The following CCDC73 variants were observed in gnomAD, a reference collection of about 807,000 sequenced individuals.
CCDC73 encodes coiled-coil domain containing 73.
In CCDC73, 95 loss-of-function variants were observed where a neutral mutation model predicts 116.5. That is an observed-to-expected ratio of 0.82 (90% confidence interval 0.69 to 0.97). The LOEUF (loss-of-function observed/expected upper bound fraction) is 0.97, where lower values mean the gene tolerates loss of function less well. Among genes scored for constraint, CCDC73 ranks in the 50% least tolerant of loss-of-function variants. The pLI, the probability that CCDC73 is intolerant of heterozygous loss-of-function variation, is 0.00. For synonymous variants in CCDC73, 398 were observed against 401.3 expected (o/e 0.99, Z 0.10); for missense variants, 1,066 against 1,206.8 (o/e 0.88, Z 1.73).
chr11:32,627,709 C>G (rs1372752054), intron 14 of CCDC73, among the ~76,000 whole-genome samples: 2 of 152,158 alleles, frequency 1.3e-5, no homozygotes, highest in African/African-American at 4.8e-5. Context: ...TCTCAGCAAA[C>G]TATCGCAAGG....
intron 6 of CCDC73, among the ~76,000 whole-genome samples, chr11:32,695,851 T>C (rs1213515658): frequency 6.6e-6 from 1 of 150,832 alleles, no homozygotes; most frequent in Non-Finnish European, 1.5e-5. Flanking sequence ...TTTTAACTAG[T>C]CCTAGATTTA....
intron 12 of CCDC73, 130 bp from the exon 13 acceptor site, chr11:32,642,212 TCAA>T: frequency 1.9e-6 from 2 of 1,060,400 alleles, no homozygotes; most frequent in Non-Finnish European, 2.4e-6. Flanking sequence ...ATGTGCTATC[TCAA>T]CAATAATTTT....
intron 2 of CCDC73, among the ~76,000 whole-genome samples, chr11:32,752,327 T>C (rs548262140): frequency 1.3e-5 from 2 of 152,326 alleles, no homozygotes; most frequent in African/African-American, 2.4e-5. Flanking sequence ...ATTTAGACTG[T>C]TTATAATTTT....
At chr11:32,652,798 AT>A (rs1351093276) in intron 12 of CCDC73, among the ~76,000 whole-genome samples, 1 of 151,878 alleles carries the variant, frequency 6.6e-6, no homozygotes, top group African/African-American at 2.4e-5. Context: ...TTCACCTTTT[AT>A]TTTCAGTGTT....
chr11:32,722,345 T>A (rs942530204), intron 2 of CCDC73, among the ~76,000 whole-genome samples: 1 of 152,186 alleles, frequency 6.6e-6, no homozygotes, highest in African/African-American at 2.4e-5. Flanking sequence ...CATTCCCTAA[T>A]AATTCATTGG....
chr11:32,773,988 T>C (rs1364585922), intron 1 of CCDC73, among the ~76,000 whole-genome samples: 4 of 151,848 alleles, frequency 2.6e-5, no homozygotes, highest in Admixed American at 6.6e-5. Context: ...CGGTAGGGGG[T>C]TTTATCTGGC....
chr11:32,605,042 CAG>C (rs1855329760), intron 17 of CCDC73: 1 of 151,962 alleles, frequency 6.6e-6, no homozygotes, highest in African/African-American at 2.4e-5. Flanking sequence ...TTAGTAGAGA[CAG>C]GGTTTCACTA....
intron 2 of CCDC73, among the ~76,000 whole-genome samples, chr11:32,724,824 T>A (rs1316833749): frequency 2.0e-5 from 3 of 152,190 alleles, no homozygotes; most frequent in Non-Finnish European, 4.4e-5. Flanking sequence ...GTTACTCCTG[T>A]GCTATTACTG....
rs535434838 is a variant in CCDC73 at position 32,661,639 on chromosome 11, T to C, written c.646-6667A>G. Among the ~76,000 whole-genome samples, 9 of 152,010 alleles carry C rather than the reference T, an allele frequency of 5.9e-5. No homozygotes were observed. In the East Asian group the frequency reaches 1.7e-3, roughly 29 times the overall value. On this transcript the variant is annotated intron_variant, in intron 9 of 17. Transcript: ENST00000335185. ...ACAAAGGACATGAACTCATCCTTTTTTATGGCTGCATAGTATTCCGTGGTG... is the reference window on the plus strand; with the variant it reads ...ACAAAGGACATGAACTCATCCTTTTCTATGGCTGCATAGTATTCCGTGGTG...
chr11:32,765,426 G>A (rs1447271609), intron 1 of CCDC73, among the ~76,000 whole-genome samples: 2 of 152,152 alleles, frequency 1.3e-5, no homozygotes, highest in Non-Finnish European at 2.9e-5. Context: ...TCAAACCACA[G>A]TGCAATCAAA....
intron 6 of CCDC73, among the ~76,000 whole-genome samples, chr11:32,691,352 A>G (rs1856257133): frequency 6.6e-6 from 1 of 151,974 alleles, no homozygotes; most frequent in Non-Finnish European, 1.5e-5. Context: ...GGCCTCAACC[A>G]CTTATTTTTT....
chr11:32,781,714 T>G (rs1015326614), intron 1 of CCDC73, among the ~76,000 whole-genome samples: 4 of 152,174 alleles, frequency 2.6e-5, no homozygotes, highest in African/African-American at 9.7e-5. Context: ...GGCTACTATA[T>G]GGAAAAATGT....
chr11:32,828,734 G>A, the CCDC73 span, among the ~76,000 whole-genome samples: 136,061 of 152,194 alleles, frequency 0.89, 61,104 homozygotes, highest in East Asian at 0.99. Context: ...ACCTTTTTAC[G>A]CTCTTTTACA....
At chr11:32,737,092 A>C (rs1001344412) in intron 2 of CCDC73, among the ~76,000 whole-genome samples, 2 of 151,248 alleles carry the variant, frequency 1.3e-5, no homozygotes, top group African/African-American at 2.4e-5. Flanking sequence ...CTGGCTCTTT[A>C]TTTTTTTAAT....
chr11:32,694,325 A>G (rs898622384), intron 6 of CCDC73, among the ~76,000 whole-genome samples: 1 of 152,222 alleles, frequency 6.6e-6, no homozygotes, highest in Non-Finnish European at 1.5e-5. Context: ...ATTGCTACAA[A>G]AGACAATAAA....
At chr11:32,643,467 C>T (rs1282575271) in intron 12 of CCDC73, among the ~76,000 whole-genome samples, 1 of 151,972 alleles carries the variant, frequency 6.6e-6, no homozygotes, top group African/African-American at 2.4e-5. Flanking sequence ...TTACACAAAC[C>T]TAGATGGTAT....
At chr11:32,820,022 TA>T in the CCDC73 span, among the ~76,000 whole-genome samples, 1 of 152,212 alleles carries the variant, frequency 6.6e-6, no homozygotes, top group South Asian at 2.1e-4. Context: ...CTATAATAAA[TA>T]TAAATATTGC....
At position 32,728,947 on chromosome 11, in the gene CCDC73, C is replaced by G. The variant is rs546284808; in HGVS notation, c.136-10800G>C. Among the ~76,000 whole-genome samples, 73 of 151,722 alleles carry G rather than the reference C, an allele frequency of 4.8e-4. 2 individuals are homozygous for G. The South Asian group carries it at 0.015, about 30-fold the overall frequency. ...CTTGAACTCCTGACCTCAGGTGATTCACCCGCCTTGGCCTTCCAAAGTGCT... is the reference window on the plus strand; with the variant it reads ...CTTGAACTCCTGACCTCAGGTGATTGACCCGCCTTGGCCTTCCAAAGTGCT... On this transcript the variant is annotated intron_variant, in intron 2 of 17. Transcript: ENST00000335185.
At chr11:32,697,798 T>C (rs1178680604) in intron 6 of CCDC73, among the ~76,000 whole-genome samples, 1 of 152,004 alleles carries the variant, frequency 6.6e-6, no homozygotes, top group Non-Finnish European at 1.5e-5. Context: ...ACTGAAGTTT[T>C]TTTTGTTTTG....
Sources: gnomAD v4.1 joint callset for allele counts (sites outside exome capture counted in the v4.1 genomes callset) on GRCh38, gnomAD v4.1.1 for gene constraint, MANE v1.5 for transcripts, NCBI Gene and HGNC (gene_info 2026-07-23, HGNC 2026-07-21) for gene names.